AFAP1: variants seen among roughly 807,000 people sequenced by gnomAD.
AFAP1 encodes actin filament-associated protein 1.
AFAP1 carries 75 observed loss-of-function variants against 93.9 expected under a neutral mutation model. The ratio of observed to expected loss-of-function variants is 0.80; its 90% CI spans 0.66 to 0.97. The LOEUF is 0.97. Ranked by LOEUF, AFAP1 falls within the 50% of genes least tolerant of loss-of-function variation. The pLI, the probability that AFAP1 is intolerant of heterozygous loss-of-function variation, is 0.00. For synonymous variants in AFAP1, 517 were observed against 430.7 expected (o/e 1.20, Z -2.48); for missense variants, 1,201 against 1,050.8 (o/e 1.14, Z -1.98).
At chr4:7,857,473 A>G (rs1057289465) in intron 3 of AFAP1, among the ~76,000 whole-genome samples, 1 of 152,184 alleles carries the variant, frequency 6.6e-6, no homozygotes, top group Admixed American at 6.5e-5. Context: ...CCGAGGCTAA[A>G]TAACTTCAAT....
chr4:7,929,931 G>A (rs923410676), intron 1 of AFAP1, among the ~76,000 whole-genome samples: 4 of 152,202 alleles, frequency 2.6e-5, no homozygotes, highest in African/African-American at 9.6e-5. Flanking sequence ...TCAGGACCTA[G>A]ACACACCAAA....
intron 4 of AFAP1, among the ~76,000 whole-genome samples, chr4:7,848,838 G>C (rs1238938610): frequency 6.6e-6 from 1 of 152,140 alleles, no homozygotes; most frequent in Non-Finnish European, 1.5e-5. Context: ...TGCTATCATA[G>C]TGTCATTCTG....
chr4:7,774,903 T>A lies in AFAP1; in HGVS notation c.1898A>T (p.Asn633Ile). Residue 633 changes from asparagine to isoleucine, a missense_variant and splice_region_variant, in exon 15 of 18, where the codon AAT becomes ATT. Asn to Ile is a moderately radical substitution (Grantham distance 149, BLOSUM62 -3). Transcript: ENST00000420658. ...CTTGCCATACTTGTACTGGGCAGCATCTTGAGAAGAAAAAAAAGCAGCAAT... is the reference window on the plus strand; with the variant it reads ...CTTGCCATACTTGTACTGGGCAGCAACTTGAGAAGAAAAAAAAGCAGCAAT... ...PAAVVKRTGS[N>I]AAQYKYGKNR... 1.2e-6 allele frequency: 2 copies of A among 1,601,724 alleles called. No homozygotes were observed. Among genetic ancestry groups the A allele is most frequent in the African/African-American group, 1.3e-5 (1 of 74,144 alleles).
intron 11 of AFAP1, among the ~76,000 whole-genome samples, chr4:7,787,782 G>T (rs1395487879): frequency 1.3e-5 from 2 of 152,156 alleles, no homozygotes. Flanking sequence ...GCTGCCCAGG[G>T]CCTCGGGGCT....
chr4:7,847,664 T>C (rs1713878251), intron 4 of AFAP1, among the ~76,000 whole-genome samples: 1 of 152,144 alleles, frequency 6.6e-6, no homozygotes. Flanking sequence ...ATAAACGTTT[T>C]GTGAAAAATT....
rs150474686 is a variant in AFAP1, at chr4:7,779,770, T to G, written c.1783-894A>C. Among the ~76,000 whole-genome samples the G allele has an allele frequency of 3.3e-5, 5 of 152,278 alleles. No homozygotes were observed. In the East Asian group the frequency reaches 7.7e-4, roughly 24 times the overall value. On this transcript the variant is annotated intron_variant, in intron 13 of 17. Transcript: ENST00000420658. ...AAGAGATACCTCCCCACAGTGTTCC[T>G]AAAAAGATCAGATGACGTGCCATAC...
chr4:7,934,501 A>T (rs1721269967), intron 1 of AFAP1, among the ~76,000 whole-genome samples: 1 of 152,226 alleles, frequency 6.6e-6, no homozygotes, highest in African/African-American at 2.4e-5. Flanking sequence ...CAGAAAACAT[A>T]AATTCTTCGA....
intron 1 of AFAP1, among the ~76,000 whole-genome samples, chr4:7,914,796 T>C (rs928801149): frequency 3.3e-5 from 5 of 152,174 alleles, no homozygotes; most frequent in Non-Finnish European, 5.9e-5. Context: ...CAGGCTGGAG[T>C]ACAGTGGCGC....
At position 7,868,731 on chromosome 4, in the gene AFAP1, A is replaced by C. The variant is rs760016483; in HGVS notation, c.128-12T>G. On this transcript the variant is annotated splice_polypyrimidine_tract_variant and intron_variant, in intron 2 of 17. Transcript: ENST00000420658. ...CTTCACATCAAAACCTGTAAGAATT[A>C]ACCAGAACCACAGAACTGGATGAGG... The C allele has an allele frequency of 1.9e-6, 3 of 1,611,834 alleles. No homozygotes were observed. The Admixed American group carries it at 5.0e-5, about 27-fold the overall frequency.
At chr4:7,934,701 G>A (rs1234340864) in intron 1 of AFAP1, among the ~76,000 whole-genome samples, 1 of 152,156 alleles carries the variant, frequency 6.6e-6, no homozygotes, top group East Asian at 1.9e-4. Context: ...CTGGGTGCTG[G>A]ACTGGGGTTC....
intron 6 of AFAP1, among the ~76,000 whole-genome samples, chr4:7,823,015 T>C (rs991398546): frequency 2.6e-5 from 4 of 151,872 alleles, no homozygotes; most frequent in Non-Finnish European, 4.4e-5. Flanking sequence ...GGAGGAGCTG[T>C]GCTTTTTTTT....
At chr4:7,816,709 T>C (rs997899670) in intron 7 of AFAP1, among the ~76,000 whole-genome samples, 1 of 152,152 alleles carries the variant, frequency 6.6e-6, no homozygotes, top group South Asian at 2.1e-4. Flanking sequence ...ACCCCTTCCA[T>C]TGCCACCCAA....
chr4:7,820,984 G>C (rs767789349), intron 6 of AFAP1, among the ~76,000 whole-genome samples: 1 of 152,100 alleles, frequency 6.6e-6, no homozygotes, highest in Non-Finnish European at 1.5e-5. Context: ...CGGGTGTGGT[G>C]GTACACGCCT....
intron 9 of AFAP1, among the ~76,000 whole-genome samples, chr4:7,801,646 A>C (rs1436496862): frequency 6.6e-6 from 1 of 152,172 alleles, no homozygotes; most frequent in Non-Finnish European, 1.5e-5. Context: ...TAGTGGCAGA[A>C]AAGGAAGTAC....
At chr4:7,818,491 GCAGGAAGC>G (rs1720682711) in intron 7 of AFAP1, among the ~76,000 whole-genome samples, 1 of 152,182 alleles carries the variant, frequency 6.6e-6, no homozygotes, top group Non-Finnish European at 1.5e-5. Flanking sequence ...AGGTTTCATG[GCAGGAAGC>G]CAGGGGTCTC....
chr4:7,832,086 T>C (rs145430881), intron 6 of AFAP1, among the ~76,000 whole-genome samples: 29 of 152,026 alleles, frequency 1.9e-4, no homozygotes, highest in African/African-American at 5.8e-4. Flanking sequence ...CACGCCTGCT[T>C]TGAGGTTAAG....
At chr4:7,937,814 T>C (rs1377468770) in intron 1 of AFAP1, among the ~76,000 whole-genome samples, 2 of 152,158 alleles carry the variant, frequency 1.3e-5, no homozygotes, top group Non-Finnish European at 2.9e-5. Context: ...TCAAGTACTC[T>C]GCACTATGCA....
At chr4:7,783,451 C>G (rs1716972371) in intron 12 of AFAP1, among the ~76,000 whole-genome samples, 1 of 152,144 alleles carries the variant, frequency 6.6e-6, no homozygotes, top group Non-Finnish European at 1.5e-5. Flanking sequence ...TAAGTATGAA[C>G]TTTTAAGAAT....
At position 7,872,093 on chromosome 4, in the gene AFAP1, G is replaced by T; in HGVS notation, c.-2-13C>A. The stretch of plus-strand genomic sequence containing the variant: ...AACTCTTCCATTGCTGACAACAAAA[G>T]AGGAAGAGTATTATTAGACCCAGTG... On this transcript the variant is annotated splice_polypyrimidine_tract_variant and intron_variant, in intron 1 of 17. Coordinates refer to ENST00000420658, the MANE Select transcript of AFAP1 (RefSeq NM_001134647.2). 6.2e-7 allele frequency: 1 copy of T among 1,613,782 alleles called. No individual in the cohort carries two copies. The highest frequency in any genetic ancestry group is 1.1e-5 in the South Asian group (1 of 90,996).
Sources: allele counts gnomAD v4.1 joint callset (sites outside exome capture counted in the v4.1 genomes callset), GRCh38; gene constraint gnomAD v4.1.1; transcripts MANE v1.5; gene names NCBI Gene and HGNC (gene_info 2026-07-23, HGNC 2026-07-21).